The following GABRG3 variants were observed in gnomAD, a reference collection of about 807,000 sequenced individuals.
The protein encoded by GABRG3 is gamma-aminobutyric acid receptor subunit gamma-3.
A neutral mutation model predicts 48.8 loss-of-function variants in GABRG3; 25 were observed. The ratio of observed to expected loss-of-function variants is 0.51; its 90% CI spans 0.37 to 0.72. GABRG3 has a LOEUF of 0.72. GABRG3 is among the 30% of genes least tolerant of loss of function. The pLI, the probability that GABRG3 is intolerant of heterozygous loss-of-function variation, is 0.00. For missense variants in GABRG3, 394 were observed against 577.9 expected (o/e 0.68, Z 3.26); for synonymous variants, 227 against 217.6 (o/e 1.04, Z -0.38).
chr15:27,478,643 A>G (rs991521526), intron 5 of GABRG3, among the ~76,000 whole-genome samples: 5 of 152,224 alleles, frequency 3.3e-5, no homozygotes, highest in African/African-American at 1.2e-4. Context: ...TTCTACTCCT[A>G]GGTGTATAAC....
intron 6 of GABRG3, among the ~76,000 whole-genome samples, chr15:27,517,746 T>G (rs1891057203): frequency 6.6e-6 from 1 of 152,196 alleles, no homozygotes; most frequent in Admixed American, 6.5e-5. Flanking sequence ...TAATAGACAT[T>G]AAGAATCACA....
chr15:27,378,095 T>A (rs1895654226), intron 5 of GABRG3, among the ~76,000 whole-genome samples: 1 of 151,798 alleles, frequency 6.6e-6, no homozygotes, highest in Admixed American at 6.6e-5. Context: ...ATGTATGATA[T>A]CCCTTCCTAC....
chr15:27,251,689 TA>T (rs1890459732), intron 3 of GABRG3, among the ~76,000 whole-genome samples: 1 of 152,218 alleles, frequency 6.6e-6, no homozygotes, highest in East Asian at 1.9e-4. Flanking sequence ...GGTTTTGGTT[TA>T]TTTTCTTCTA....
chr15:27,527,173 C>T (rs1891298099), intron 7 of GABRG3, among the ~76,000 whole-genome samples: 1 of 152,084 alleles, frequency 6.6e-6, no homozygotes. Context: ...CAACAATGAG[C>T]GAATTACTGA....
At position 27,319,066 on chromosome 15, in the gene GABRG3, A is replaced by G. The variant is rs1216370397; in HGVS notation, c.271-7743A>G. On this transcript the variant is annotated intron_variant, in intron 3 of 9. Transcript: ENST00000615808. This position sits in a 1 kb window ranked among gnomAD's most constrained non-coding sequence, Gnocchi z 4.4. ...GTAGATCATAAATGTTCTCACCACCATAAAAAAATAAAAGGCAACTGTGAG... is the reference window on the plus strand; with the variant it reads ...GTAGATCATAAATGTTCTCACCACCGTAAAAAAATAAAAGGCAACTGTGAG... Among the ~76,000 whole-genome samples the G allele has an allele frequency of 6.6e-6, 1 of 152,208 alleles. No homozygotes were observed. Among genetic ancestry groups the G allele is most frequent in the Non-Finnish European group, 1.5e-5 (1 of 68,036 alleles).
intron 3 of GABRG3, among the ~76,000 whole-genome samples, chr15:27,316,867 A>G (rs558401663): frequency 2.0e-5 from 3 of 152,322 alleles, no homozygotes; most frequent in Admixed American, 6.5e-5. Flanking sequence ...TTCCAAATTA[A>G]ATGCTCTTCT....
chr15:27,199,459 C>G (rs1263368515), intron 3 of GABRG3, among the ~76,000 whole-genome samples: 1 of 152,106 alleles, frequency 6.6e-6, no homozygotes, highest in Non-Finnish European at 1.5e-5. Flanking sequence ...GATATCTGTC[C>G]CTTCCAAATC....
intron 3 of GABRG3, among the ~76,000 whole-genome samples, chr15:27,316,516 T>C (rs1595672369): frequency 6.6e-6 from 1 of 152,172 alleles, no homozygotes; most frequent in East Asian, 1.9e-4. Context: ...ACAAGGTCAT[T>C]GGTCAGATTA....
chr15:27,129,455 G>T (rs766318067), intron 3 of GABRG3, among the ~76,000 whole-genome samples: 3 of 152,058 alleles, frequency 2.0e-5, no homozygotes, highest in Non-Finnish European at 2.9e-5. Flanking sequence ...ATCTTAGATG[G>T]ACACCTGTGT....
At chr15:27,231,623 A>T (rs1274228911) in intron 3 of GABRG3, among the ~76,000 whole-genome samples, 1 of 152,242 alleles carries the variant, frequency 6.6e-6, no homozygotes, top group Non-Finnish European at 1.5e-5. Context: ...TTGGAGATGA[A>T]AGGCAGGGGC....
intron 6 of GABRG3, among the ~76,000 whole-genome samples, chr15:27,501,101 G>C (rs184055921): frequency 2.6e-5 from 4 of 151,830 alleles, no homozygotes; most frequent in Non-Finnish European, 5.9e-5. Flanking sequence ...ACAGGCGCCC[G>C]CCACCACGCC....
At chr15:27,308,144 A>ATAT (rs1491297019) in intron 3 of GABRG3, among the ~76,000 whole-genome samples, 2 of 113,310 alleles carry the variant, frequency 1.8e-5, no homozygotes, top group African/African-American at 3.6e-5. Flanking sequence ...ATATGTTTAT[A>ATAT]CATCCAAACA....
At chr15:27,451,272 T>C (rs1288067747) in intron 5 of GABRG3, among the ~76,000 whole-genome samples, 1 of 152,126 alleles carries the variant, frequency 6.6e-6, no homozygotes, top group Non-Finnish European at 1.5e-5. Flanking sequence ...GCATCATACT[T>C]CTTGATTTCA....
intron 9 of GABRG3, among the ~76,000 whole-genome samples, chr15:27,531,375 G>A (rs1034495751): frequency 6.6e-6 from 1 of 152,210 alleles, no homozygotes; most frequent in African/African-American, 2.4e-5. Context: ...ATCAAATTGA[G>A]GCCCAAAAGT....
intron 3 of GABRG3, among the ~76,000 whole-genome samples, chr15:27,243,062 C>T (rs1385542228): frequency 6.6e-6 from 1 of 152,098 alleles, no homozygotes; most frequent in African/African-American, 2.4e-5. Flanking sequence ...TGATTACGAC[C>T]CGTAGCGTTT....
At position 27,388,342 on chromosome 15, in the gene GABRG3, G is replaced by A. The variant is rs1341763785; in HGVS notation, c.574+59454G>A. ...GGAAAAGAAGGAAGGAAGGAAAGGT[G>A]GGAGGGAGGGTAAGGAAGGAAGGAA... On this transcript the variant is annotated intron_variant, in intron 5 of 9. Coordinates refer to ENST00000615808, the MANE Select transcript of GABRG3 (RefSeq NM_033223.5). Among the ~76,000 whole-genome samples, 12 of 66,756 alleles carry A rather than the reference G, an allele frequency of 1.8e-4. 1 individual carries two copies. The highest frequency in any genetic ancestry group is 2.2e-4 in the Non-Finnish European group (7 of 31,550). The allele number at this position is 66,756 out of a possible 152,430, so 43.8% of individuals were successfully genotyped here.
Position 27,532,598 on chromosome 15 carries a change from A to G in GABRG3, c.1123-2A>G. On this transcript the variant is annotated splice_acceptor_variant, in intron 9 of 9. Coordinates refer to ENST00000615808, the MANE Select transcript of GABRG3 (RefSeq NM_033223.5). LOFTEE classifies it high-confidence loss of function. Reference sequence around the variant, plus strand: ...TTGTTGTGTCATTTTTGTTGCTTGCAGAACTATTCCCTCCTGGACATGAGG... The same window carrying G: ...TTGTTGTGTCATTTTTGTTGCTTGCGGAACTATTCCCTCCTGGACATGAGG... The G allele has an allele frequency of 6.2e-7, 1 of 1,612,530 alleles. No individual in the cohort carries two copies. Among genetic ancestry groups the G allele is most frequent in the Non-Finnish European group, 8.5e-7 (1 of 1,178,920 alleles).
intron 3 of GABRG3, chr15:27,294,806 A>C (rs1891924934): frequency 6.6e-6 from 1 of 152,146 alleles, no homozygotes; most frequent in South Asian, 2.1e-4. Flanking sequence ...TTGTCTGTAG[A>C]ATCTTTCAGA....
chr15:27,328,833 G>T lies in GABRG3; in HGVS notation c.519G>T (p.Leu173=). Residue 173 remains leucine (L), a synonymous_variant, in exon 5 of 10, where the codon CTG becomes CTT. Coordinates refer to ENST00000615808, the MANE Select transcript of GABRG3 (RefSeq NM_033223.5). ...TCACCATCAATGCTGAGTGCCAGCT[G>T]CAGCTGCACAACTTCCCCATGGACG... The part of the protein sequence containing the change: ...LRLTINAECQ[L]QLHNFPMDEH... The T allele has an allele frequency of 6.2e-7, 1 of 1,614,040 alleles. No individual in the cohort carries two copies. Among genetic ancestry groups the T allele is most frequent in the Non-Finnish European group, 8.5e-7 (1 of 1,179,894 alleles).
Sources: gnomAD v4.1 joint callset for allele counts (sites outside exome capture counted in the v4.1 genomes callset) on GRCh38, gnomAD v4.1.1 for gene constraint, Gnocchi (gnomAD v3.1) non-coding constraint, MANE v1.5 for transcripts, NCBI Gene and HGNC (gene_info 2026-07-23, HGNC 2026-07-21) for gene names.